The following CDKL5 variants were observed in gnomAD, a reference collection of about 807,000 sequenced individuals.
CDKL5 encodes the protein cyclin-dependent kinase-like 5.
In CDKL5, 8 loss-of-function variants were observed where a neutral mutation model predicts 61.7. The ratio of observed to expected loss-of-function variants is 0.13; its 90% CI spans 0.08 to 0.23. The LOEUF (loss-of-function observed/expected upper bound fraction) is 0.23, where lower values mean the gene tolerates loss of function less well. Among genes scored for constraint, CDKL5 ranks in the 10% least tolerant of loss-of-function variants. CDKL5 has a pLI of 1.00. For missense variants in CDKL5, 440 were observed against 734.5 expected, an observed-to-expected ratio of 0.60 and a Z score of 4.63; for synonymous variants, 275 against 272.3, an observed-to-expected ratio of 1.01 and a Z score of -0.10.
At chrX:18,457,114 C>T (rs1932161289) in intron 1 of CDKL5, among the ~76,000 whole-genome samples, 1 of 109,836 alleles carries the variant, frequency 9.1e-6, no homozygotes, top group Non-Finnish European at 1.9e-5. Flanking sequence ...ATACTATTCT[C>T]TTACATTTAG....
At chrX:18,486,945 C>T (rs1236908523) in intron 1 of CDKL5, among the ~76,000 whole-genome samples, 3 of 110,095 alleles carry the variant, frequency 2.7e-5, no homozygotes, top group African/African-American at 9.9e-5. Flanking sequence ...CATCTTTCTC[C>T]TCATTCCTAA....
intron 14 of CDKL5, among the ~76,000 whole-genome samples, chrX:18,612,564 G>A (rs1926586752): frequency 9.2e-6 from 1 of 108,869 alleles, no homozygotes; most frequent in Non-Finnish European, 1.9e-5. Flanking sequence ...GGAGGCTAAG[G>A]TGGGAGGATC....
rs897145605 is a variant in CDKL5 at position 18,447,675 on chromosome X, T to C, written c.-163+21980T>C. On this transcript the variant is annotated intron_variant, in intron 1 of 17. Transcript: ENST00000623535. ...CTTCTCTTGTATTTCTTTCCCTCCCTCCTGTGTGGGCTTCTTGATGATCTA... is the reference window on the plus strand; with the variant it reads ...CTTCTCTTGTATTTCTTTCCCTCCCCCCTGTGTGGGCTTCTTGATGATCTA... Among the ~76,000 whole-genome samples the C allele has an allele frequency of 5.4e-5, 6 of 110,950 alleles. No homozygotes were observed. The East Asian group carries it at 1.7e-3, about 31-fold the overall frequency.
intron 1 of CDKL5, among the ~76,000 whole-genome samples, chrX:18,461,771 G>A (rs1489811854): frequency 8.9e-6 from 1 of 112,218 alleles, no homozygotes; most frequent in Non-Finnish European, 1.9e-5. Flanking sequence ...TTCTGTGCTA[G>A]GCATCTCCAT....
intron 1 of CDKL5, among the ~76,000 whole-genome samples, chrX:18,473,472 G>A (rs1233153741): frequency 4.5e-5 from 5 of 110,361 alleles, no homozygotes; most frequent in Non-Finnish European, 7.6e-5. Flanking sequence ...AAAGCCAGGT[G>A]TGGTAGAGGA....
At chrX:18,530,534 G>T (rs777607825) in intron 3 of CDKL5, among the ~76,000 whole-genome samples, 4 of 110,750 alleles carry the variant, frequency 3.6e-5, no homozygotes, top group Non-Finnish European at 7.6e-5. Flanking sequence ...CTTCCTTAGA[G>T]TTATGTATGC....
chrX:18,603,912 G>A lies in CDKL5; in HGVS notation c.988G>A (p.Gly330Ser), dbSNP rs760930296. 2.5e-6 allele frequency: 3 copies of A among 1,210,790 alleles called. No individual in the cohort carries two copies. The highest frequency in any genetic ancestry group is 3.4e-6 in the Non-Finnish European group (3 of 894,735). The change falls in exon 12 of 18, where the codon GGC becomes AGC. Residue 330 changes from glycine (G) to serine (S), a missense_variant. By Grantham distance (56) the Gly-to-Ser change is moderately conservative. Around this residue, in one of 2 missense-constraint regions of CDKL5, gnomAD observed 363 missense variants for 516.3 expected, o/e 0.70. Transcript: ENST00000623535. ...TTGTTTTTAACATAGAAACCAAGCC[G>A]GCAAAAGTACTGCTTTGCAGTCTCA... is the stretch of plus-strand genomic sequence containing the variant. ...SSTLSNRNQA[G>S]KSTALQSHHR...
chrX:18,631,842 G>A lies in CDKL5; in HGVS notation c.*3085G>A. 1 of 754,306 alleles carries A rather than the reference G, an allele frequency of 1.3e-6. No homozygotes were observed. Among genetic ancestry groups the A allele is most frequent in the Non-Finnish European group, 1.6e-6 (1 of 639,301 alleles). 62.2% of individuals were successfully genotyped at this position (754,306 alleles called of 1,213,427 possible). A position where few individuals can be genotyped will look rare whatever the true frequency, so the allele number is the denominator to read the frequency against. On this transcript the variant is annotated 3_prime_UTR_variant, in exon 18 of 18. Coordinates refer to ENST00000623535, the MANE Select transcript of CDKL5 (RefSeq NM_001323289.2). Reference sequence around the variant, plus strand: ...TTCTAGAGCCCAAGACCAAAAGGGAGTGCTTCATGCTGAGGGGCTCAAGTG... The same window carrying A: ...TTCTAGAGCCCAAGACCAAAAGGGAATGCTTCATGCTGAGGGGCTCAAGTG...
intron 3 of CDKL5, among the ~76,000 whole-genome samples, chrX:18,553,637 C>T (rs1390261638): frequency 3.6e-5 from 4 of 110,883 alleles, no homozygotes; most frequent in African/African-American, 1.3e-4. Flanking sequence ...GGACTACAGG[C>T]GTGTGCTACC....
intron 3 of CDKL5, among the ~76,000 whole-genome samples, chrX:18,537,472 G>A (rs778762155): frequency 4.3e-4 from 48 of 111,785 alleles, no homozygotes; most frequent in Non-Finnish European, 7.9e-4. Flanking sequence ...CTAGAAAATG[G>A]ACATTGATGT....
At chrX:18,567,737 T>C (rs970419708) in intron 4 of CDKL5, among the ~76,000 whole-genome samples, 1 of 111,245 alleles carries the variant, frequency 9.0e-6, no homozygotes, top group African/African-American at 3.3e-5. Context: ...TTAAAAAAAT[T>C]AGCCAGGCAT....
In CDKL5 at chrX:18,617,233, G is replaced by T. The variant is rs145654568; in HGVS notation, c.2277-2634G>T. Among the ~76,000 whole-genome samples, 738 of 111,744 alleles carry T rather than the reference G, an allele frequency of 6.6e-3. 8 individuals are homozygous for T. Among genetic ancestry groups the T allele is most frequent in the African/African-American group, 0.022 (690 of 30,718 alleles). On this transcript the variant is annotated intron_variant, in intron 15 of 17. Transcript: ENST00000623535. Reference sequence around the variant, plus strand: ...GTTAGAGTCCCATGCCTGTGTGCCTGCTTACCACTTGTCTCATTGCCCTCC... The same window carrying T: ...GTTAGAGTCCCATGCCTGTGTGCCTTCTTACCACTTGTCTCATTGCCCTCC...
intron 1 of CDKL5, chrX:18,444,096 T>A (rs1321622080): frequency 9.2e-6 from 1 of 108,811 alleles, no homozygotes; most frequent in Admixed American, 9.9e-5. Flanking sequence ...TTTTTTGCGA[T>A]ATCTCTAGGT....
chrX:18,641,975 C>T (rs766491401), downstream of CDKL5: 70 of 1,206,143 alleles, frequency 5.8e-5, no homozygotes, highest in Non-Finnish European at 7.8e-5. Flanking sequence ...GCCAGTCACC[C>T]CCTGGCAGGC....
intron 1 of CDKL5, among the ~76,000 whole-genome samples, chrX:18,430,406 A>G (rs1421201154): frequency 1.8e-5 from 2 of 112,024 alleles, no homozygotes; most frequent in Admixed American, 1.9e-4. Flanking sequence ...GACCAGTGAA[A>G]TAAAATCTGG....
chrX:18,532,887 G>A (rs940401762), intron 3 of CDKL5, among the ~76,000 whole-genome samples: 9 of 111,064 alleles, frequency 8.1e-5, no homozygotes, highest in African/African-American at 3.0e-4. Flanking sequence ...TTTTCTCACT[G>A]AACGTACTGT....
chrX:18,472,779 ATT>A (rs1243341979), intron 1 of CDKL5, among the ~76,000 whole-genome samples: 1 of 102,168 alleles, frequency 9.8e-6, no homozygotes, highest in Non-Finnish European at 2.0e-5. Context: ...ATAGTTTCTG[ATT>A]TTTTTTTTTT....
At chrX:18,469,337 T>TA (rs1921002697) in intron 1 of CDKL5, among the ~76,000 whole-genome samples, 1 of 32,793 alleles carries the variant, frequency 3.0e-5, no homozygotes. Flanking sequence ...AGACTCTGTC[T>TA]CAAAAAAAAA....
intron 10 of CDKL5, 114 bp from the exon 11 acceptor site, chrX:18,598,348 T>C (rs1247068390): frequency 1.8e-6 from 1 of 541,540 alleles, no homozygotes; most frequent in Non-Finnish European, 3.1e-6. Flanking sequence ...CTGTGTTTAC[T>C]TGATATTCTG....
Sources: allele counts gnomAD v4.1 joint callset (sites outside exome capture counted in the v4.1 genomes callset), GRCh38; gene constraint gnomAD v4.1.1; regional missense constraint gnomAD v4.1.1; transcripts MANE v1.5; gene names NCBI Gene and HGNC (gene_info 2026-07-23, HGNC 2026-07-21).